Variants in DPP10 observed in about 807,000 individuals in gnomAD.
DPP10 encodes the protein inactive dipeptidyl peptidase 10.
A neutral mutation model predicts 120.9 loss-of-function variants in DPP10; 33 were observed. The observed-to-expected ratio is 0.27, with a 90% CI of 0.21 to 0.37. The LOEUF is 0.37. Among genes scored for constraint, DPP10 ranks in the 10% least tolerant of loss-of-function variants. The probability of loss-of-function intolerance (pLI) is 1.00; values close to 1 mark genes in which losing one functional copy is unlikely to be tolerated. For missense variants in DPP10, 816 were observed against 942.8 expected (o/e 0.87, Z 1.76); for synonymous variants, 337 against 326.1 (o/e 1.03, Z -0.36).
intron 1 of DPP10, among the ~76,000 whole-genome samples, chr2:114,505,248 A>C (rs1683546375): frequency 1.3e-5 from 2 of 149,808 alleles, no homozygotes; most frequent in Non-Finnish European, 2.9e-5. Flanking sequence ...AAATTTTTAA[A>C]GAAATGATAA....
chr2:115,130,416 T>C (rs534499297), intron 1 of DPP10, among the ~76,000 whole-genome samples: 2 of 152,266 alleles, frequency 1.3e-5, no homozygotes, highest in South Asian at 2.1e-4. Context: ...CAGATGGTTC[T>C]TTCTCATTTC....
chr2:114,717,163 T>G (rs1325543591), intron 1 of DPP10, among the ~76,000 whole-genome samples: 1 of 152,282 alleles, frequency 6.6e-6, no homozygotes, highest in South Asian at 2.1e-4. Context: ...CTTCAAAAAC[T>G]TCCATTAGGA....
At chr2:115,501,225 A>C (rs2148795705) in intron 4 of DPP10, among the ~76,000 whole-genome samples, 1 of 152,192 alleles carries the variant, frequency 6.6e-6, no homozygotes, top group South Asian at 2.1e-4. Context: ...CATTTACACA[A>C]GTCAGTGAGG....
chr2:114,775,942 T>C (rs1681693304), intron 1 of DPP10, among the ~76,000 whole-genome samples: 1 of 152,134 alleles, frequency 6.6e-6, no homozygotes, highest in Non-Finnish European at 1.5e-5. Context: ...ACTTACAATG[T>C]TGGTAATACA....
intron 1 of DPP10, among the ~76,000 whole-genome samples, chr2:114,859,204 A>C (rs1048536460): frequency 4.6e-5 from 7 of 152,068 alleles, no homozygotes; most frequent in Admixed American, 3.3e-4. Flanking sequence ...AACAAACAAA[A>C]AAACCCCACA....
chr2:115,190,885 A>C (rs1559213265), intron 1 of DPP10, among the ~76,000 whole-genome samples: 1 of 152,206 alleles, frequency 6.6e-6, no homozygotes, highest in African/African-American at 2.4e-5. Flanking sequence ...ATCCTGTTTC[A>C]ATTGCTATAG....
intron 1 of DPP10, among the ~76,000 whole-genome samples, chr2:114,797,774 T>C (rs1336118746): frequency 6.6e-6 from 1 of 152,228 alleles, no homozygotes; most frequent in Non-Finnish European, 1.5e-5. Flanking sequence ...TCCCCTCCAG[T>C]ACCCAGGAGA....
chr2:114,497,034 TACATATATATGCATAC>T (rs1265399906), intron 1 of DPP10, among the ~76,000 whole-genome samples: 3 of 148,796 alleles, frequency 2.0e-5, no homozygotes, highest in Middle Eastern at 3.3e-3. Flanking sequence ...TGTGTATATA[TACATATATATGCATAC>T]ACATACATAT....
At chr2:114,736,359 C>G (rs1392664783) in intron 1 of DPP10, among the ~76,000 whole-genome samples, 1 of 152,054 alleles carries the variant, frequency 6.6e-6, no homozygotes, top group African/African-American at 2.4e-5. Flanking sequence ...TTTCCACTGC[C>G]TAGCATGATT....
At chr2:114,847,614 C>G (rs915995824) in intron 1 of DPP10, among the ~76,000 whole-genome samples, 4 of 152,118 alleles carry the variant, frequency 2.6e-5, no homozygotes, top group African/African-American at 9.7e-5. Context: ...CTATAGAAAG[C>G]AGAGATTACG....
chr2:115,559,797 C>A (rs2080450228), intron 5 of DPP10, among the ~76,000 whole-genome samples: 1 of 152,120 alleles, frequency 6.6e-6, no homozygotes, highest in Admixed American at 6.6e-5. Flanking sequence ...AAGGAGGATG[C>A]ACAGGCCATT....
chr2:114,881,518 A>G (rs62165253), intron 1 of DPP10, among the ~76,000 whole-genome samples: 1 of 148,594 alleles, frequency 6.7e-6, no homozygotes, highest in Non-Finnish European at 1.5e-5. Context: ...CTGTCTATCT[A>G]TCTATCCATC....
chr2:114,488,998 T>G (rs1681755534), intron 1 of DPP10, among the ~76,000 whole-genome samples: 1 of 152,210 alleles, frequency 6.6e-6, no homozygotes, highest in African/African-American at 2.4e-5. Context: ...GAGAGAACAT[T>G]TGGAGCACTG....
chr2:114,510,823 G>A (rs1250678294), intron 1 of DPP10, among the ~76,000 whole-genome samples: 2 of 152,148 alleles, frequency 1.3e-5, no homozygotes, highest in Non-Finnish European at 2.9e-5. Context: ...AGTGATGCAC[G>A]TCATTTCCTG....
At chr2:115,161,050 G>A (rs1475526328) in intron 1 of DPP10, 1 of 152,338 alleles carries the variant, frequency 6.6e-6, no homozygotes, top group Non-Finnish European at 1.5e-5. Flanking sequence ...AAAGAAAAAA[G>A]AAATGAGTAT....
chr2:115,777,056 A>C, intron 13 of DPP10, 152 bp from the exon 14 acceptor site: 4 of 638,888 alleles, frequency 6.3e-6, no homozygotes, highest in Non-Finnish European at 1.1e-5. Context: ...GTTTATAGGA[A>C]TGCATGTTCA....
chr2:114,972,489 C>G (rs532836400), intron 1 of DPP10, among the ~76,000 whole-genome samples: 73 of 152,180 alleles, frequency 4.8e-4, no homozygotes, highest in African/African-American at 1.7e-3. Flanking sequence ...CTCAACCCAC[C>G]CTTATACACA....
At chr2:115,672,603 A>T (rs1419405710) in intron 5 of DPP10, among the ~76,000 whole-genome samples, 1 of 149,622 alleles carries the variant, frequency 6.7e-6, no homozygotes, top group Non-Finnish European at 1.5e-5. Context: ...TCCTTGATTG[A>T]TTGTCATCAT....
At chr2:115,341,447 C>T (rs1483457055) in intron 2 of DPP10, among the ~76,000 whole-genome samples, 1 of 152,084 alleles carries the variant, frequency 6.6e-6, no homozygotes, top group African/African-American at 2.4e-5. Flanking sequence ...ACTCATGAAC[C>T]TATATTGACA....
Sources: gnomAD v4.1 joint callset for allele counts (sites outside exome capture counted in the v4.1 genomes callset) on GRCh38, gnomAD v4.1.1 for gene constraint, MANE v1.5 for transcripts, NCBI Gene and HGNC (gene_info 2026-07-23, HGNC 2026-07-21) for gene names.